The following SMYD3 variants were observed in gnomAD, a reference collection of about 807,000 sequenced individuals.
SMYD3 encodes the protein SET and MYND domain containing 3.
In SMYD3, 36 loss-of-function variants were observed where a neutral mutation model predicts 57.7. The ratio of observed to expected loss-of-function variants is 0.62; its 90% CI spans 0.48 to 0.82. SMYD3 has a LOEUF of 0.82. Ranked by LOEUF, SMYD3 falls within the 40% of genes least tolerant of loss-of-function variation. The probability of loss-of-function intolerance (pLI) is 0.00; values close to 1 mark genes in which losing one functional copy is unlikely to be tolerated. For synonymous variants in SMYD3, 211 were observed against 195.0 expected (o/e 1.08, Z -0.68); for missense variants, 515 against 538.8 (o/e 0.96, Z 0.44).
At chr1:245,776,212 T>C (rs80214475) in intron 10 of SMYD3, among the ~76,000 whole-genome samples, 13,126 of 152,280 alleles carry the variant, frequency 0.086, 694 homozygotes, top group Admixed American at 0.16. Flanking sequence ...TTAAGACTTT[T>C]TAATGTTCTG....
chr1:246,302,007 G>C (rs1235958526), intron 5 of SMYD3, among the ~76,000 whole-genome samples: 2 of 152,078 alleles, frequency 1.3e-5, no homozygotes, highest in African/African-American at 4.8e-5. Context: ...GACTCCCAGG[G>C]AGGACATGCG....
At chr1:246,341,442 G>C (rs2065631815) in intron 2 of SMYD3, among the ~76,000 whole-genome samples, 2 of 152,088 alleles carry the variant, frequency 1.3e-5, no homozygotes, top group Admixed American at 1.3e-4. Context: ...TCTTAAATGA[G>C]TATAGTACCA....
intron 5 of SMYD3, among the ~76,000 whole-genome samples, chr1:246,097,085 A>C (rs1240853861): frequency 6.6e-6 from 1 of 152,224 alleles, no homozygotes; most frequent in East Asian, 1.9e-4. Context: ...TGGATTCTTA[A>C]ATATTTGGAA....
intron 5 of SMYD3, among the ~76,000 whole-genome samples, chr1:246,000,274 G>T (rs913489941): frequency 6.6e-6 from 1 of 152,140 alleles, no homozygotes; most frequent in Non-Finnish European, 1.5e-5. Flanking sequence ...GATGACACAT[G>T]GCAGGGCACC....
intron 1 of SMYD3, among the ~76,000 whole-genome samples, chr1:246,420,119 A>G (rs538100926): frequency 1.3e-5 from 2 of 152,270 alleles, no homozygotes; most frequent in East Asian, 3.9e-4. Context: ...GAATCACTTG[A>G]ACCCAGGAGG....
In SMYD3 at chr1:245,914,267, T is replaced by G. The variant is rs185936573; in HGVS notation, c.813+1263A>C. Among the ~76,000 whole-genome samples, 722 of 152,334 alleles carry G rather than the reference T, an allele frequency of 4.7e-3. 6 individuals carry two copies. The highest frequency in any genetic ancestry group is 0.015 in the African/African-American group (641 of 41,572). Reference sequence around the variant, plus strand: ...CCATACAATCTAGCAATTACAGTACTGGGTATTTATCCAAAGGATAGAAAA... The same window carrying G: ...CCATACAATCTAGCAATTACAGTACGGGGTATTTATCCAAAGGATAGAAAA... On this transcript the variant is annotated intron_variant, in intron 8 of 11. Coordinates refer to ENST00000490107, the MANE Select transcript of SMYD3 (RefSeq NM_001167740.2).
At chr1:246,205,712 C>A (rs567374421) in intron 5 of SMYD3, among the ~76,000 whole-genome samples, 35 of 151,406 alleles carry the variant, frequency 2.3e-4, no homozygotes, top group African/African-American at 8.6e-4. Flanking sequence ...CCCAGCTACT[C>A]GGGAAGCTGA....
intron 9 of SMYD3, among the ~76,000 whole-genome samples, chr1:245,863,543 C>A (rs1267850961): frequency 1.3e-5 from 2 of 152,184 alleles, no homozygotes; most frequent in Non-Finnish European, 2.9e-5. Context: ...TACTTTCCTA[C>A]TACTGCTAGG....
intron 8 of SMYD3, among the ~76,000 whole-genome samples, chr1:245,876,711 G>T (rs1198171702): frequency 6.6e-6 from 1 of 152,180 alleles, no homozygotes; most frequent in Non-Finnish European, 1.5e-5. Context: ...TGCACTCCAG[G>T]GCCAGGTACT....
intron 5 of SMYD3, among the ~76,000 whole-genome samples, chr1:246,287,752 G>C (rs2148587002): frequency 6.6e-6 from 1 of 152,324 alleles, no homozygotes; most frequent in East Asian, 1.9e-4. Flanking sequence ...GGAATACAAA[G>C]AGAAAGACTC....
rs548187790 is a variant in SMYD3, at chr1:245,854,480, T to C, written c.1076+4016A>G. On this transcript the variant is annotated intron_variant, in intron 10 of 11. Coordinates refer to ENST00000490107, the MANE Select transcript of SMYD3 (RefSeq NM_001167740.2). ...ATGGCATATCCATGAGATGAAATAC[T>C]ATGTATCTGTTAAAAAGAATAAGGT... 5.1e-4 allele frequency among the ~76,000 whole-genome samples: 77 copies of C among 152,340 alleles called. 3 individuals are homozygous for C. The South Asian group carries it at 0.016, about 31-fold the overall frequency.
chr1:245,960,104 TAATAA>T (rs2057961158), intron 5 of SMYD3, among the ~76,000 whole-genome samples: 1 of 152,186 alleles, frequency 6.6e-6, no homozygotes, highest in African/African-American at 2.4e-5. Flanking sequence ...TTTAAAATAT[TAATAA>T]AACAAAATTA....
chr1:246,498,230 G>A (rs2068394684), intron 1 of SMYD3, among the ~76,000 whole-genome samples: 1 of 152,018 alleles, frequency 6.6e-6, no homozygotes, highest in South Asian at 2.1e-4. Context: ...CACATGCAAG[G>A]TTATTCATTA....
intron 1 of SMYD3, among the ~76,000 whole-genome samples, chr1:246,472,524 G>A (rs564852670): frequency 7.2e-5 from 11 of 152,254 alleles, no homozygotes; most frequent in African/African-American, 2.2e-4. Context: ...GGGCAGATCA[G>A]TTGGGCACAG....
chr1:245,929,574 G>C (rs2147845625), intron 6 of SMYD3, among the ~76,000 whole-genome samples: 2 of 152,306 alleles, frequency 1.3e-5, no homozygotes, highest in Admixed American at 1.3e-4. Flanking sequence ...CCAAAAATCA[G>C]CCCGATGGTT....
At chr1:246,110,544 C>T (rs1237244382) in intron 5 of SMYD3, among the ~76,000 whole-genome samples, 1 of 152,214 alleles carries the variant, frequency 6.6e-6, no homozygotes, top group Non-Finnish European at 1.5e-5. Flanking sequence ...GGGTCAACAG[C>T]TTAACTCTTT....
At chr1:246,408,264 T>C (rs1190984884) in intron 1 of SMYD3, among the ~76,000 whole-genome samples, 2 of 152,294 alleles carry the variant, frequency 1.3e-5, no homozygotes, top group South Asian at 4.1e-4. Flanking sequence ...TATATTTTCA[T>C]TGGGTCATTA....
At chr1:245,794,059 G>C (rs1314005029) in intron 10 of SMYD3, among the ~76,000 whole-genome samples, 1 of 151,992 alleles carries the variant, frequency 6.6e-6, no homozygotes, top group African/African-American at 2.4e-5. Flanking sequence ...TACATGTATG[G>C]TGATATATGT....
chr1:246,188,616 T>A (rs1473108541), intron 5 of SMYD3, among the ~76,000 whole-genome samples: 2 of 151,978 alleles, frequency 1.3e-5, no homozygotes, highest in Admixed American at 6.6e-5. Context: ...TTTTTTTTTT[T>A]AATATCTATG....
Sources: gnomAD v4.1 joint callset for allele counts (sites outside exome capture counted in the v4.1 genomes callset) on GRCh38, gnomAD v4.1.1 for gene constraint, MANE v1.5 for transcripts, NCBI Gene and HGNC (gene_info 2026-07-23, HGNC 2026-07-21) for gene names.